Variants in DIP2C observed in about 807,000 individuals in gnomAD.
DIP2C encodes disco-interacting protein 2 homolog C.
A neutral mutation model predicts 192.4 loss-of-function variants in DIP2C; 33 were observed. That is an observed-to-expected ratio of 0.17 (90% CI 0.13 to 0.23). The LOEUF (loss-of-function observed/expected upper bound fraction) is 0.23. DIP2C is among the 10% of genes least tolerant of loss of function. The pLI, the probability that DIP2C is intolerant of heterozygous loss-of-function variation, is 1.00. For synonymous variants in DIP2C, 979 were observed against 864.1 expected (o/e 1.13, Z -2.33); for missense variants, 1,537 against 2,110.1 (o/e 0.73, Z 5.32).
At chr10:460,086 C>T (rs967467950) in intron 3 of DIP2C, among the ~76,000 whole-genome samples, 1 of 143,326 alleles carries the variant, frequency 7.0e-6, no homozygotes, top group Admixed American at 7.0e-5. Flanking sequence ...ATCAAGGGAT[C>T]GCGTGCTGCA....
At chr10:671,745 C>CAG (rs1830652899) in intron 1 of DIP2C, among the ~76,000 whole-genome samples, 2 of 109,174 alleles carry the variant, frequency 1.8e-5, no homozygotes, top group East Asian at 3.0e-4. Flanking sequence ...ACGGAGGAAA[C>CAG]GTCACAGACG....
At chr10:469,479 G>A (rs1184624659) in intron 3 of DIP2C, among the ~76,000 whole-genome samples, 2 of 151,966 alleles carry the variant, frequency 1.3e-5, no homozygotes. Context: ...ACCATGCCTG[G>A]CTAATTTTTG....
intron 1 of DIP2C, among the ~76,000 whole-genome samples, chr10:574,967 A>G (rs1850060561): frequency 6.6e-6 from 1 of 152,146 alleles, no homozygotes; most frequent in Non-Finnish European, 1.5e-5. Context: ...ACCTTCCACG[A>G]GTGACTGCTC....
chr10:579,584 C>A (rs1564223465), intron 1 of DIP2C, among the ~76,000 whole-genome samples: 1 of 152,052 alleles, frequency 6.6e-6, no homozygotes, highest in East Asian at 1.9e-4. Flanking sequence ...TGCGTACATG[C>A]ATAGAGCATA....
At chr10:450,385 C>T (rs1014894484) in intron 3 of DIP2C, among the ~76,000 whole-genome samples, 9 of 152,264 alleles carry the variant, frequency 5.9e-5, no homozygotes, top group African/African-American at 1.9e-4. Context: ...AAGATGTTTA[C>T]GTATCAATTA....
Position 472,488 on chromosome 10 carries a change from G to A in DIP2C, c.219C>T (p.Arg73=), listed in dbSNP as rs2133444607. 6.2e-7 allele frequency: 1 copy of A among 1,614,230 alleles called. No individual in the cohort carries two copies. The highest frequency in any genetic ancestry group is 8.5e-7 in the Non-Finnish European group (1 of 1,180,052). ...RAPVTPSSAS[R]YHRRRSSGSR... ...ACCCTGAAGACCGTCGGCGGTGGTA[G>A]CGAGAGGCGGAGGAAGGAGTGACAG... is the stretch of plus-strand genomic sequence containing the variant. The change falls in exon 3 of 37, where the codon CGC becomes CGT. Residue 73 remains arginine (R), a synonymous_variant. Transcript: ENST00000280886.
chr10:481,700 C>G lies in DIP2C; in HGVS notation c.157+4759G>C, dbSNP rs151182857. ...CTGAGGCAGTGGAAGGTCTCCGGTG[C>G]CTGTTCAGGGCTTCACGTGGATCTG... On this transcript the variant is annotated intron_variant, in intron 2 of 36. Coordinates refer to ENST00000280886, the MANE Select transcript of DIP2C (RefSeq NM_014974.3). 4.8e-3 allele frequency among the ~76,000 whole-genome samples: 735 copies of G among 152,322 alleles called. 2 individuals are homozygous for G. The highest frequency in any genetic ancestry group is 7.1e-3 in the Non-Finnish European group (483 of 68,024).
chr10:448,874 C>T (rs1480427298), intron 3 of DIP2C, among the ~76,000 whole-genome samples: 12 of 87,280 alleles, frequency 1.4e-4, no homozygotes, highest in Admixed American at 1.0e-4. Context: ...TCACTCCCGT[C>T]GATACTCAGG....
At chr10:650,977 C>T (rs1304992637) in intron 1 of DIP2C, 4 of 717,420 alleles carry the variant, frequency 5.6e-6, no homozygotes, top group Non-Finnish European at 1.0e-5. Context: ...GCCGGCACTG[C>T]CCTCTCTCCA....
intron 34 of DIP2C, among the ~76,000 whole-genome samples, chr10:283,765 A>G (rs559568027): frequency 6.6e-6 from 1 of 152,366 alleles, no homozygotes; most frequent in Admixed American, 6.5e-5. Flanking sequence ...AAGTCACACT[A>G]GATTCCTTAC....
At chr10:566,278 T>C (rs950314483) in intron 1 of DIP2C, among the ~76,000 whole-genome samples, 2 of 152,176 alleles carry the variant, frequency 1.3e-5, no homozygotes, top group Admixed American at 6.5e-5. Flanking sequence ...TACCATTTAT[T>C]AAAAGCCTGG....
At chr10:393,778 CAAAAAAAAAAAAAA>C (rs34390976) in intron 10 of DIP2C, among the ~76,000 whole-genome samples, 1 of 66,734 alleles carries the variant, frequency 1.5e-5, no homozygotes, top group Non-Finnish European at 2.7e-5. Flanking sequence ...GACTCCGTCT[CAAAAAAAAAAAAAA>C]AAAAGAAAAA....
chr10:542,360 C>G (rs1241113055), intron 1 of DIP2C, among the ~76,000 whole-genome samples: 2 of 152,204 alleles, frequency 1.3e-5, no homozygotes, highest in Non-Finnish European at 2.9e-5. Context: ...CCTGGCAGAG[C>G]TTTGCTGTAG....
chr10:288,271 AC>A, intron 33 of DIP2C, 92 bp downstream of exon 33: 1 of 1,246,704 alleles, frequency 8.0e-7, no homozygotes, highest in Non-Finnish European at 1.1e-6. Flanking sequence ...TTTGGAAAAA[AC>A]ATTCTAAAAA....
chr10:626,139 C>G (rs1297931849), intron 1 of DIP2C, among the ~76,000 whole-genome samples: 1 of 152,230 alleles, frequency 6.6e-6, no homozygotes, highest in Non-Finnish European at 1.5e-5. Flanking sequence ...CTAACGAGGG[C>G]TGACACTAAC....
chr10:467,691 A>G (rs1476843748), intron 3 of DIP2C, among the ~76,000 whole-genome samples: 1 of 152,000 alleles, frequency 6.6e-6, no homozygotes, highest in Admixed American at 6.6e-5. Flanking sequence ...TTCTCAGTCA[A>G]CTAACACCAG....
intron 1 of DIP2C, among the ~76,000 whole-genome samples, chr10:609,718 T>TA (rs1424549359): frequency 1.3e-5 from 2 of 152,160 alleles, no homozygotes; most frequent in Non-Finnish European, 2.9e-5. Flanking sequence ...TCAAAAACAC[T>TA]AACTGATAAT....
At chr10:497,864 A>G (rs982708005) in intron 1 of DIP2C, among the ~76,000 whole-genome samples, 7 of 152,192 alleles carry the variant, frequency 4.6e-5, no homozygotes, top group African/African-American at 1.7e-4. Flanking sequence ...GGGAAAACAT[A>G]TGTCATGAGA....
At chr10:309,869 G>A (rs1288606070) in intron 32 of DIP2C, among the ~76,000 whole-genome samples, 162 bp downstream of exon 32, 5 of 152,110 alleles carry the variant, frequency 3.3e-5, no homozygotes, top group Non-Finnish European at 7.3e-5. Context: ...CAATTGCAAA[G>A]TTCAAGCCAA....
Sources: gnomAD v4.1 joint callset for allele counts (sites outside exome capture counted in the v4.1 genomes callset) on GRCh38, gnomAD v4.1.1 for gene constraint, MANE v1.5 for transcripts, NCBI Gene and HGNC (gene_info 2026-07-23, HGNC 2026-07-21) for gene names.